PBX1: variants seen among roughly 807,000 people sequenced by gnomAD.
PBX1 encodes the protein pre-B-cell leukemia transcription factor 1.
In PBX1, 6 loss-of-function variants were observed where a neutral mutation model predicts 53.4. The ratio of observed to expected loss-of-function variants is 0.11; its 90% CI spans 0.06 to 0.22. The LOEUF is 0.22. Ranked by LOEUF, PBX1 falls within the 10% of genes least tolerant of loss-of-function variation. The pLI, the probability that PBX1 is intolerant of heterozygous loss-of-function variation, is 1.00. For synonymous variants in PBX1, 204 were observed against 212.3 expected (o/e 0.96, Z 0.34); for missense variants, 251 against 551.4 (o/e 0.46, Z 5.46).
At position 164,811,998 on chromosome 1, in the gene PBX1, C is replaced by T. The variant is rs775760222; in HGVS notation, c.846C>T (p.Asn282=). ...CTCTTAAACTACTCTAGGTATCAAA[C>T]TGGTTTGGAAATAAGCGAATCCGGT... ...KCGITVSQVS[N]WFGNKRIRYK... Residue 282 remains asparagine (N), a synonymous_variant, in exon 6 of 9, where the codon AAC becomes AAT. Transcript: ENST00000420696. 1.2e-6 allele frequency: 2 copies of T among 1,612,570 alleles called. No homozygotes were observed. Among genetic ancestry groups the T allele is most frequent in the African/African-American group, 1.3e-5 (1 of 74,794 alleles).
intron 2 of PBX1, among the ~76,000 whole-genome samples, chr1:164,717,430 G>A (rs571052192): frequency 1.3e-5 from 2 of 152,284 alleles, no homozygotes; most frequent in African/African-American, 4.8e-5. Context: ...GGGAAGGAAC[G>A]CTTGGGTGTT....
At position 164,847,712 on chromosome 1, in the gene PBX1, G is replaced by C; in HGVS notation, c.*1036G>C. 9.5e-7 allele frequency: 1 copy of C among 1,056,364 alleles called. No homozygotes were observed. The highest frequency in any genetic ancestry group is 1.1e-6 in the Non-Finnish European group (1 of 873,686). The allele number at this position is 1,056,364 out of a possible 1,614,324, so 65.4% of individuals were successfully genotyped here. ...ACAATTACCTACATTAATAACTGTA[G>C]CACTATGCCTTTTGAGCCCGAGAGA... is the stretch of plus-strand genomic sequence containing the variant. On this transcript the variant is annotated 3_prime_UTR_variant, in exon 9 of 9. Transcript: ENST00000420696.
intron 2 of PBX1, among the ~76,000 whole-genome samples, chr1:164,791,506 T>C (rs1299694992): frequency 6.6e-6 from 1 of 152,180 alleles, no homozygotes; most frequent in East Asian, 1.9e-4. Flanking sequence ...CAATTTGTCT[T>C]CTTGCTATGT....
chr1:164,602,316 C>T (rs1026129201), intron 2 of PBX1, among the ~76,000 whole-genome samples: 2 of 152,214 alleles, frequency 1.3e-5, no homozygotes, highest in African/African-American at 4.8e-5. Context: ...TCCCCTCACA[C>T]CCCGCTCGGT....
At chr1:164,604,457 A>G (rs767253735) in intron 2 of PBX1, among the ~76,000 whole-genome samples, 1 of 152,144 alleles carries the variant, frequency 6.6e-6, no homozygotes, top group Non-Finnish European at 1.5e-5. Context: ...CAGCAGTTAC[A>G]TGTATTGAGT....
chr1:164,680,327 AAG>A (rs1462759733), intron 2 of PBX1: 2 of 152,222 alleles, frequency 1.3e-5, no homozygotes, highest in Non-Finnish European at 2.9e-5. Context: ...GGATATCTGA[AAG>A]AGAGAGCATT....
chr1:164,626,954 TA>T (rs1211022863), intron 2 of PBX1, among the ~76,000 whole-genome samples: 4 of 152,270 alleles, frequency 2.6e-5, no homozygotes, highest in African/African-American at 7.2e-5. Context: ...ACCATAAAAT[TA>T]ACTGCTTTTT....
chr1:164,599,272 A>C (rs1655996529), intron 2 of PBX1, among the ~76,000 whole-genome samples: 1 of 151,826 alleles, frequency 6.6e-6, no homozygotes, highest in Non-Finnish European at 1.5e-5. Flanking sequence ...ATTAATTTTA[A>C]GTTCTGGGAT....
At chr1:164,746,399 T>C (rs1665894643) in intron 2 of PBX1, among the ~76,000 whole-genome samples, 1 of 152,178 alleles carries the variant, frequency 6.6e-6, no homozygotes, top group Admixed American at 6.5e-5. Flanking sequence ...TTCTTCAAGA[T>C]GGAGTCTTGC....
At chr1:164,618,298 G>GC (rs1491510439) in intron 2 of PBX1, among the ~76,000 whole-genome samples, 1 of 2,906 alleles carries the variant, frequency 3.4e-4, no homozygotes, top group Non-Finnish European at 1.2e-3. Flanking sequence ...TAATCACGGC[G>GC]GGGGGGGGGG....
chr1:164,877,654 C>G (rs1240645258), intron 2 of PBX1, among the ~76,000 whole-genome samples: 1 of 151,528 alleles, frequency 6.6e-6, no homozygotes, highest in East Asian at 1.9e-4. Context: ...TGGAATGAGA[C>G]CTTGTCTCAA....
chr1:164,596,908 G>C (rs1210845759), intron 2 of PBX1, among the ~76,000 whole-genome samples: 1 of 152,112 alleles, frequency 6.6e-6, no homozygotes, highest in East Asian at 1.9e-4. Context: ...AGGAACTCCA[G>C]GGTCAGAGAA....
intron 2 of PBX1, among the ~76,000 whole-genome samples, chr1:164,859,582 C>T (rs1203736121): frequency 3.3e-5 from 5 of 152,198 alleles, no homozygotes; most frequent in Admixed American, 6.5e-5. Flanking sequence ...CCAATACCCC[C>T]TCTATGCAAA....
Position 164,763,277 on chromosome 1 carries a change from G to A in PBX1, c.266-29217G>A, listed in dbSNP as rs145796178. Among the ~76,000 whole-genome samples, 661 of 152,326 alleles carry A rather than the reference G, an allele frequency of 4.3e-3. 4 individuals carry two copies. The highest frequency in any genetic ancestry group is 0.015 in the African/African-American group (631 of 41,574). ...AGTTTTCACTCAGTCTTCCCTAAAA[G>A]GTGATCCTGTGTCATCCTCGTGATC... On this transcript the variant is annotated intron_variant, in intron 2 of 8. Coordinates refer to ENST00000420696, the MANE Select transcript of PBX1 (RefSeq NM_002585.4).
At chr1:164,883,309 CTCAA>C (rs1184863448) in intron 2 of PBX1, among the ~76,000 whole-genome samples, 3 of 152,164 alleles carry the variant, frequency 2.0e-5, no homozygotes, top group African/African-American at 7.2e-5. Flanking sequence ...CTATTGTCAA[CTCAA>C]TCAATTGTCA....
intron 2 of PBX1, chr1:164,625,809 TAAAAAAAAA>T (rs200931470): frequency 1.1e-5 from 3 of 281,336 alleles, no homozygotes; most frequent in African/African-American, 7.3e-5. Context: ...TGATGGGATT[TAAAAAAAAA>T]AAAAAAGAAA....
chr1:164,579,291 A>AT (rs899807101), intron 2 of PBX1, among the ~76,000 whole-genome samples: 36 of 151,960 alleles, frequency 2.4e-4, no homozygotes, highest in Non-Finnish European at 3.2e-4. Context: ...ATTGTCTTCC[A>AT]TTTTTTTAAC....
intron 2 of PBX1, among the ~76,000 whole-genome samples, chr1:164,653,229 T>C (rs1053532858): frequency 2.6e-5 from 4 of 152,180 alleles, no homozygotes; most frequent in African/African-American, 9.7e-5. Flanking sequence ...CTTTTACTTA[T>C]CACACTGTTT....
intron 1 of PBX1, chr1:164,560,511 AC>A (rs1652961121): frequency 2.3e-5 from 6 of 255,424 alleles, no homozygotes; most frequent in Non-Finnish European, 4.4e-5. Flanking sequence ...TTCTTTCTTG[AC>A]TCTCCCGTCC....
Sources: allele counts gnomAD v4.1 joint callset (sites outside exome capture counted in the v4.1 genomes callset), GRCh38; gene constraint gnomAD v4.1.1; transcripts MANE v1.5; gene names NCBI Gene and HGNC (gene_info 2026-07-23, HGNC 2026-07-21).